TMC2: variants seen among roughly 807,000 people sequenced by gnomAD.
The protein encoded by TMC2 is transmembrane channel-like protein 2.
A neutral mutation model predicts 105.9 loss-of-function variants in TMC2; 102 were observed. The ratio of observed to expected loss-of-function variants is 0.96; its 90% CI spans 0.82 to 1.14. The LOEUF is 1.14. TMC2 is among the 50% of genes most tolerant of loss of function. TMC2 has a pLI of 0.00. For missense variants in TMC2, 1,093 were observed against 1,134.3 expected (o/e 0.96, Z 0.52); for synonymous variants, 402 against 422.8 (o/e 0.95, Z 0.60).
intron 4 of TMC2, among the ~76,000 whole-genome samples, chr20:2,571,707 A>G (rs2086104206): frequency 6.6e-6 from 1 of 152,202 alleles, no homozygotes; most frequent in African/African-American, 2.4e-5. Flanking sequence ...TTATTTTAAA[A>G]TCAATAATCT....
At chr20:2,633,055 G>A (rs1430380041) in intron 17 of TMC2, among the ~76,000 whole-genome samples, 1 of 152,194 alleles carries the variant, frequency 6.6e-6, no homozygotes, top group Non-Finnish European at 1.5e-5. Context: ...ATTATGTAAA[G>A]TCTGTTTTCT....
chr20:2,563,687 T>A (rs1437240444), intron 4 of TMC2, among the ~76,000 whole-genome samples: 1 of 152,174 alleles, frequency 6.6e-6, no homozygotes, highest in Non-Finnish European at 1.5e-5. Flanking sequence ...TGACAATTCA[T>A]AATGTATGCA....
At chr20:2,567,455 A>C (rs1297456844) in intron 4 of TMC2, among the ~76,000 whole-genome samples, 1 of 152,242 alleles carries the variant, frequency 6.6e-6, no homozygotes, top group Admixed American at 6.5e-5. Flanking sequence ...TTGCCATACC[A>C]AGAACCAGGA....
intron 2 of TMC2, among the ~76,000 whole-genome samples, chr20:2,543,745 C>T (rs903105239): frequency 2.6e-5 from 4 of 152,158 alleles, no homozygotes; most frequent in African/African-American, 9.7e-5. Context: ...CTCAATTTCT[C>T]CTTGTGGTCA....
chr20:2,601,322 TGA>T (rs1464378523), intron 10 of TMC2, among the ~76,000 whole-genome samples: 2 of 152,232 alleles, frequency 1.3e-5, no homozygotes, highest in African/African-American at 4.8e-5. Context: ...TGAGTGGTTG[TGA>T]GAGAGACCAT....
rs1487221475 is a variant in TMC2, at chr20:2,642,874, A to C, written c.*1523A>C. ...CTTAACCTCATCAACTGTTACAGCCACCACCCAACCAGGCCCCCAGGGGTT... is the reference window on the plus strand; with the variant it reads ...CTTAACCTCATCAACTGTTACAGCCCCCACCCAACCAGGCCCCCAGGGGTT... On this transcript the variant is annotated 3_prime_UTR_variant, in exon 20 of 20. Transcript: ENST00000358864. Among the ~76,000 whole-genome samples the C allele has an allele frequency of 6.6e-6, 1 of 152,064 alleles. No individual in the cohort carries two copies. Among genetic ancestry groups the C allele is most frequent in the Non-Finnish European group, 1.5e-5 (1 of 68,024 alleles).
chr20:2,604,976 A>G (rs1021903011), intron 11 of TMC2, among the ~76,000 whole-genome samples: 1 of 152,206 alleles, frequency 6.6e-6, no homozygotes. Context: ...ACCAAACCCA[A>G]GAAGGGGATT....
At chr20:2,573,511 G>A (rs1329751210) in intron 5 of TMC2, among the ~76,000 whole-genome samples, 1 of 148,976 alleles carries the variant, frequency 6.7e-6, no homozygotes, top group East Asian at 2.0e-4. Context: ...TTTTATATCT[G>A]GTTCTCTTAT....
intron 5 of TMC2, among the ~76,000 whole-genome samples, chr20:2,576,502 G>A (rs2086145579): frequency 6.6e-6 from 1 of 152,102 alleles, no homozygotes; most frequent in Admixed American, 6.6e-5. Flanking sequence ...ACTTGGCAAT[G>A]TTCATTACCC....
intron 16 of TMC2, among the ~76,000 whole-genome samples, chr20:2,623,898 C>T (rs2086544941): frequency 6.6e-6 from 1 of 152,146 alleles, no homozygotes; most frequent in South Asian, 2.1e-4. Context: ...TTTCCCAGGC[C>T]CAAAGGAAGC....
intron 2 of TMC2, among the ~76,000 whole-genome samples, chr20:2,546,427 G>A (rs1171720433): frequency 1.3e-5 from 2 of 151,508 alleles, no homozygotes; most frequent in Admixed American, 1.3e-4. Flanking sequence ...AGGATAGGAG[G>A]CAGGTAAAAG....
intron 2 of TMC2, among the ~76,000 whole-genome samples, chr20:2,546,600 T>A (rs1000946556): frequency 5.3e-5 from 8 of 152,250 alleles, no homozygotes; most frequent in Non-Finnish European, 8.8e-5. Context: ...TTTCTAGTAA[T>A]TTTAGGATGG....
intron 4 of TMC2, among the ~76,000 whole-genome samples, chr20:2,571,265 A>G (rs2086100989): frequency 6.6e-6 from 1 of 152,248 alleles, no homozygotes; most frequent in Admixed American, 6.5e-5. Context: ...CAAAAGTCTA[A>G]TATCCAAAAT....
chr20:2,589,270 C>CTTTGTGTGTGTGTG lies in TMC2; in HGVS notation c.835-3039_835-3038insTTGTGTGTGTGTGT, dbSNP rs1555774377. On this transcript the variant is annotated intron_variant, in intron 7 of 19. Coordinates refer to ENST00000358864, the MANE Select transcript of TMC2 (RefSeq NM_080751.3). ...TTTTCCAGATATCTTCCTATTTGCC[C>CTTTGTGTGTGTGTG]TGTGTGTGTGTGTGTGTGTGTGTGT... Among the ~76,000 whole-genome samples, 416 of 116,356 alleles carry CTTTGTGTGTGTGTG rather than the reference C, an allele frequency of 3.6e-3. 12 individuals are homozygous for CTTTGTGTGTGTGTG. Among genetic ancestry groups the CTTTGTGTGTGTGTG allele is most frequent in the African/African-American group, 0.015 (389 of 25,828 alleles). 76.3% of individuals were successfully genotyped at this position (116,356 alleles called of 152,430 possible).
At chr20:2,571,515 G>T (rs995689345) in intron 4 of TMC2, among the ~76,000 whole-genome samples, 11 of 152,096 alleles carry the variant, frequency 7.2e-5, no homozygotes, top group African/African-American at 2.4e-4. Context: ...TGCTGGTAAG[G>T]GTGCGGAAAA....
chr20:2,640,794 C>CT (rs1258681883), intron 19 of TMC2, among the ~76,000 whole-genome samples: 2 of 152,146 alleles, frequency 1.3e-5, no homozygotes, highest in African/African-American at 2.4e-5. Flanking sequence ...CCCACAGCCC[C>CT]TCCCCTTCCG....
At chr20:2,617,369 G>T in intron 16 of TMC2, 58 bp downstream of exon 16, 1 of 1,600,398 alleles carries the variant, frequency 6.2e-7, no homozygotes, top group Admixed American at 1.7e-5. Flanking sequence ...TGCTCAGAGG[G>T]CCTCGGCCCA....
chr20:2,639,993 A>AT (rs1406548226), intron 19 of TMC2, among the ~76,000 whole-genome samples: 2 of 152,044 alleles, frequency 1.3e-5, no homozygotes, highest in African/African-American at 4.8e-5. Context: ...TTTGAACTTT[A>AT]TTTTTTTGAG....
chr20:2,555,184 C>T (rs2085978459), intron 2 of TMC2, among the ~76,000 whole-genome samples: 1 of 152,034 alleles, frequency 6.6e-6, no homozygotes, highest in Non-Finnish European at 1.5e-5. Context: ...GGGTTCAAGC[C>T]ATTCTCCTGC....
Sources: gnomAD v4.1 joint callset for allele counts (sites outside exome capture counted in the v4.1 genomes callset) on GRCh38, gnomAD v4.1.1 for gene constraint, MANE v1.5 for transcripts, NCBI Gene and HGNC (gene_info 2026-07-23, HGNC 2026-07-21) for gene names.